PCDH11X: variants seen among roughly 807,000 people sequenced by gnomAD.
PCDH11X encodes protocadherin-11 X-linked.
A neutral mutation model predicts 53.3 loss-of-function variants in PCDH11X; 18 were observed. That is an observed-to-expected ratio of 0.34 (90% CI 0.23 to 0.50). PCDH11X has a LOEUF of 0.50. Among genes scored for constraint, PCDH11X ranks in the 20% least tolerant of loss-of-function variants. The pLI is 0.98. For missense variants in PCDH11X, 570 were observed against 1,032.4 expected, an observed-to-expected ratio of 0.55 and a Z score of 6.14; for synonymous variants, 279 against 393.3, an observed-to-expected ratio of 0.71 and a Z score of 3.44.
intron 6 of PCDH11X, among the ~76,000 whole-genome samples, chrX:92,086,037 G>A (rs1005661770): frequency 9.0e-6 from 1 of 111,397 alleles, no homozygotes; most frequent in Non-Finnish European, 1.9e-5. Flanking sequence ...AATATTTTAG[G>A]CATATTGGAT....
chrX:92,575,972 T>C (rs1602367296), intron 10 of PCDH11X, among the ~76,000 whole-genome samples: 1 of 29,738 alleles, frequency 3.4e-5, no homozygotes, highest in Non-Finnish European at 5.6e-5. Flanking sequence ...CACACACACC[T>C]GGGGTGTATA....
chrX:92,405,820 C>A (rs1316779146), intron 9 of PCDH11X, among the ~76,000 whole-genome samples: 1 of 111,148 alleles, frequency 9.0e-6, no homozygotes, highest in Non-Finnish European at 1.9e-5. Context: ...CTAGGCCGGG[C>A]GCAGTGGCTC....
chrX:92,251,656 T>C (rs994954097), intron 7 of PCDH11X, among the ~76,000 whole-genome samples: 4 of 111,296 alleles, frequency 3.6e-5, no homozygotes, highest in Non-Finnish European at 7.6e-5. Context: ...AATGAGATGT[T>C]ACTTGTAAAG....
intron 6 of PCDH11X, among the ~76,000 whole-genome samples, chrX:92,017,535 TA>T (rs200044178): frequency 3.4e-4 from 32 of 94,493 alleles, no homozygotes; most frequent in South Asian, 5.4e-4. Flanking sequence ...CTTGTCTCTA[TA>T]AAAAAAAAAA....
chrX:92,230,485 TAA>T (rs2067051980), intron 7 of PCDH11X, among the ~76,000 whole-genome samples: 1 of 92,099 alleles, frequency 1.1e-5, no homozygotes, highest in African/African-American at 3.9e-5. Context: ...ATAATATATA[TAA>T]AATACATATA....
At chrX:91,963,756 A>G (rs1213173380) in intron 6 of PCDH11X, among the ~76,000 whole-genome samples, 1 of 111,318 alleles carries the variant, frequency 9.0e-6, no homozygotes. Flanking sequence ...TAAAGGAAAA[A>G]TATTTAATCA....
intron 6 of PCDH11X, among the ~76,000 whole-genome samples, chrX:92,194,664 A>C (rs2066261054): frequency 1.0e-5 from 1 of 100,112 alleles, no homozygotes; most frequent in Non-Finnish European, 2.0e-5. Context: ...AGAAATAAAT[A>C]TTATGTTTTT....
intron 5 of PCDH11X, among the ~76,000 whole-genome samples, chrX:91,839,115 A>G (rs1334706066): frequency 9.0e-6 from 1 of 110,902 alleles, no homozygotes; most frequent in Non-Finnish European, 1.9e-5. Context: ...ACAAACAGGG[A>G]AAGTATTATT....
chrX:91,998,262 T>C lies in PCDH11X; in HGVS notation c.3033+118989T>C, dbSNP rs5984847. ...TTTTCTATTTCTTCATAATTCTGTC[T>C]TGGTAAGTTGTATGTTTCCAGAAAT... On this transcript the variant is annotated intron_variant, in intron 6 of 10. Coordinates refer to ENST00000682573, the MANE Select transcript of PCDH11X (RefSeq NM_032968.5). 3.6e-5 allele frequency among the ~76,000 whole-genome samples: 4 copies of C among 109,925 alleles called. 1 individual carries two copies. The highest frequency in any genetic ancestry group is 1.0e-4 in the African/African-American group (3 of 30,144).
chrX:92,116,323 C>T (rs1181187901), intron 6 of PCDH11X, among the ~76,000 whole-genome samples: 2 of 111,573 alleles, frequency 1.8e-5, no homozygotes. Context: ...TTAAAATTTA[C>T]TCATGGTGGC....
At chrX:91,968,751 G>A (rs936115288) in intron 6 of PCDH11X, among the ~76,000 whole-genome samples, 1 of 111,256 alleles carries the variant, frequency 9.0e-6, no homozygotes, top group African/African-American at 3.3e-5. Flanking sequence ...AATTCACCAT[G>A]CCACATTGAA....
chrX:92,604,091 T>A (rs1482206640), intron 10 of PCDH11X, among the ~76,000 whole-genome samples: 1 of 108,279 alleles, frequency 9.2e-6, no homozygotes, highest in African/African-American at 3.3e-5. Context: ...CAAAGATAGG[T>A]AGAAGCAAAG....
chrX:92,274,591 T>C (rs767139372), intron 8 of PCDH11X, among the ~76,000 whole-genome samples: 1 of 111,126 alleles, frequency 9.0e-6, no homozygotes, highest in Admixed American at 9.6e-5. Context: ...AATTTGCCAG[T>C]CCTGGGTGGG....
intron 6 of PCDH11X, among the ~76,000 whole-genome samples, chrX:91,914,518 T>A (rs192739866): frequency 2.7e-5 from 3 of 111,207 alleles, no homozygotes; most frequent in Admixed American, 9.5e-5. Context: ...AGGGTATAGA[T>A]GAACAATTCT....
At chrX:91,974,730 A>G (rs750185932) in intron 6 of PCDH11X, among the ~76,000 whole-genome samples, 100 of 109,068 alleles carry the variant, frequency 9.2e-4, no homozygotes, top group African/African-American at 3.2e-3. Context: ...GAGGCGTGAA[A>G]TAATTTTACT....
At chrX:92,617,761 A>T (rs1276571979) in intron 10 of PCDH11X, among the ~76,000 whole-genome samples, 2 of 111,362 alleles carry the variant, frequency 1.8e-5, no homozygotes, top group Non-Finnish European at 1.9e-5. Context: ...TGAAATAATT[A>T]TGACTATATT....
At chrX:92,245,704 G>A (rs58131000) in intron 7 of PCDH11X, among the ~76,000 whole-genome samples, 8,420 of 111,500 alleles carry the variant, frequency 0.076, 660 homozygotes, top group African/African-American at 0.24. Context: ...TTGACACATT[G>A]GGCAGTCCTT....
chrX:92,068,084 A>G (rs2063642928), intron 6 of PCDH11X, among the ~76,000 whole-genome samples: 1 of 109,826 alleles, frequency 9.1e-6, no homozygotes, highest in Non-Finnish European at 1.9e-5. Flanking sequence ...AATTTTGATT[A>G]TATTTTCAAA....
intron 10 of PCDH11X, among the ~76,000 whole-genome samples, chrX:92,509,626 GCTTA>G (rs1404989212): frequency 9.0e-6 from 1 of 111,353 alleles, no homozygotes; most frequent in Non-Finnish European, 1.9e-5. Context: ...GTAATATTTT[GCTTA>G]CTTGTTTGTT....
Sources: gnomAD v4.1 joint callset for allele counts (sites outside exome capture counted in the v4.1 genomes callset) on GRCh38, gnomAD v4.1.1 for gene constraint, MANE v1.5 for transcripts, NCBI Gene and HGNC (gene_info 2026-07-23, HGNC 2026-07-21) for gene names.